KHDRBS3: variants seen among roughly 807,000 people sequenced by gnomAD.
KHDRBS3 encodes KH RNA binding domain containing, signal transduction associated 3, also known as KH domain-containing, RNA-binding, signal transduction-associated protein 3.
Under a neutral mutation model 45.6 loss-of-function variants are expected in KHDRBS3, and 23 were observed. The ratio of observed to expected loss-of-function variants is 0.50; its 90% confidence interval spans 0.36 to 0.72. The LOEUF is 0.72. KHDRBS3 is among the 30% of genes least tolerant of loss of function. The pLI is 0.00. For synonymous variants in KHDRBS3, 162 were observed against 156.5 expected (o/e 1.04, Z -0.26); for missense variants, 352 against 424.8 (o/e 0.83, Z 1.51).
At chr8:135,495,496 A>G (rs1468045320) in intron 1 of KHDRBS3, among the ~76,000 whole-genome samples, 1 of 152,214 alleles carries the variant, frequency 6.6e-6, no homozygotes, top group Non-Finnish European at 1.5e-5. Context: ...CATGACAAGA[A>G]TTAATTATAT....
At chr8:135,490,049 C>T (rs1240008539) in intron 1 of KHDRBS3, among the ~76,000 whole-genome samples, 1 of 152,148 alleles carries the variant, frequency 6.6e-6, no homozygotes, top group Non-Finnish European at 1.5e-5. Context: ...GCATTCGGTA[C>T]AGTAACATGC....
intron 1 of KHDRBS3, among the ~76,000 whole-genome samples, chr8:135,504,107 C>G (rs1823871311): frequency 6.6e-6 from 1 of 152,114 alleles, no homozygotes; most frequent in South Asian, 2.1e-4. Context: ...CAGTGTCATA[C>G]TGTAAGTAAG....
At chr8:135,631,882 G>T (rs1214662777) in intron 7 of KHDRBS3, among the ~76,000 whole-genome samples, 1 of 152,044 alleles carries the variant, frequency 6.6e-6, no homozygotes, top group Non-Finnish European at 1.5e-5. Flanking sequence ...TATATGACCG[G>T]CAGCACAATA....
intron 7 of KHDRBS3, among the ~76,000 whole-genome samples, chr8:135,616,511 T>C (rs1417687475): frequency 6.6e-6 from 1 of 152,184 alleles, no homozygotes; most frequent in African/African-American, 2.4e-5. Flanking sequence ...CACTAAGGAA[T>C]TGTAGAATAA....
chr8:135,517,457 A>G (rs527374427), intron 1 of KHDRBS3, among the ~76,000 whole-genome samples: 5 of 152,116 alleles, frequency 3.3e-5, no homozygotes, highest in Non-Finnish European at 7.4e-5. Flanking sequence ...TGCAACTCTC[A>G]GTTAGGGACA....
intron 6 of KHDRBS3, among the ~76,000 whole-genome samples, chr8:135,582,894 C>A (rs1297368782): frequency 6.6e-6 from 1 of 152,192 alleles, no homozygotes; most frequent in East Asian, 1.9e-4. Context: ...ATCCCCTGGG[C>A]CTCAGACAAC....
At chr8:135,535,583 T>G (rs370844084) in intron 2 of KHDRBS3, among the ~76,000 whole-genome samples, 10 of 151,908 alleles carry the variant, frequency 6.6e-5, no homozygotes, top group Non-Finnish European at 1.3e-4. Flanking sequence ...TATTTATATG[T>G]GTGTTGGGTC....
intron 5 of KHDRBS3, among the ~76,000 whole-genome samples, chr8:135,569,804 C>T (rs1827613695): frequency 6.6e-6 from 1 of 152,126 alleles, no homozygotes; most frequent in Non-Finnish European, 1.5e-5. Flanking sequence ...CTCTAGGAGG[C>T]CTTGCTCAGT....
intron 6 of KHDRBS3, among the ~76,000 whole-genome samples, chr8:135,603,656 T>TA (rs1256028232): frequency 2.6e-5 from 4 of 152,178 alleles, no homozygotes; most frequent in Non-Finnish European, 5.9e-5. Flanking sequence ...TGCTCTTTTC[T>TA]AAAAAAATTT....
chr8:135,472,782 G>A (rs187404397), intron 1 of KHDRBS3, among the ~76,000 whole-genome samples: 1 of 152,256 alleles, frequency 6.6e-6, no homozygotes, highest in South Asian at 2.1e-4. Flanking sequence ...ATTACATGTG[G>A]TCTTTCTAGA....
chr8:135,585,100 G>A (rs528112149), intron 6 of KHDRBS3, among the ~76,000 whole-genome samples: 5 of 151,374 alleles, frequency 3.3e-5, no homozygotes, highest in East Asian at 1.9e-4. Flanking sequence ...GTAGTGGTGC[G>A]CACCTGTAAA....
intron 7 of KHDRBS3, among the ~76,000 whole-genome samples, chr8:135,632,732 A>G (rs139092257): frequency 2.1e-4 from 32 of 152,252 alleles, no homozygotes; most frequent in Non-Finnish European, 3.8e-4. Flanking sequence ...CACATAAGAA[A>G]TGAAAGCCTC....
rs987745803 is a variant in KHDRBS3, at chr8:135,576,387, A to G, written c.612-5491A>G. On this transcript the variant is annotated intron_variant, in intron 5 of 8. Transcript: ENST00000355849. Reference sequence around the variant, plus strand: ...CTGGAAGATTTGTGCCTTCTCCCCTATTTATCTATTGATTGATTGATTCAG... The same window carrying G: ...CTGGAAGATTTGTGCCTTCTCCCCTGTTTATCTATTGATTGATTGATTCAG... Among the ~76,000 whole-genome samples the G allele has an allele frequency of 4.6e-5, 7 of 152,156 alleles. No homozygotes were observed. In the East Asian group the frequency reaches 5.8e-4, roughly 13 times the overall value.
intron 6 of KHDRBS3, among the ~76,000 whole-genome samples, chr8:135,602,628 C>T (rs185945110): frequency 6.6e-6 from 1 of 151,966 alleles, no homozygotes; most frequent in East Asian, 1.9e-4. Flanking sequence ...CAAATAAGCA[C>T]AGAAATAGAA....
chr8:135,594,855 A>G (rs977140823), intron 6 of KHDRBS3, among the ~76,000 whole-genome samples: 4 of 152,208 alleles, frequency 2.6e-5, no homozygotes, highest in Non-Finnish European at 5.9e-5. Flanking sequence ...TTATGAGCAC[A>G]GGCCTCCCCA....
intron 6 of KHDRBS3, chr8:135,593,384 T>C (rs1828833992): frequency 6.6e-6 from 1 of 152,220 alleles, no homozygotes; most frequent in African/African-American, 2.4e-5. Context: ...GTACTTATCT[T>C]AGAGTAATGT....
intron 1 of KHDRBS3, among the ~76,000 whole-genome samples, chr8:135,461,802 T>C (rs549088326): frequency 6.6e-6 from 1 of 152,358 alleles, no homozygotes; most frequent in South Asian, 2.1e-4. Flanking sequence ...TTAGTTGTCG[T>C]TGATTACAAG....
intron 6 of KHDRBS3, 120 bp from the exon 7 acceptor site, chr8:135,606,835 C>A: frequency 1.5e-6 from 1 of 687,004 alleles, no homozygotes; most frequent in Non-Finnish European, 2.5e-6. Flanking sequence ...TTTCTTTACA[C>A]TATAAGTAGA....
intron 7 of KHDRBS3, among the ~76,000 whole-genome samples, chr8:135,629,532 T>C (rs1830508810): frequency 6.6e-6 from 1 of 152,218 alleles, no homozygotes; most frequent in Non-Finnish European, 1.5e-5. Flanking sequence ...TTACCCTGCT[T>C]CTAAGTGGAA....
Sources: allele counts gnomAD v4.1 joint callset (sites outside exome capture counted in the v4.1 genomes callset), GRCh38; gene constraint gnomAD v4.1.1; transcripts MANE v1.5; gene names NCBI Gene and HGNC (gene_info 2026-07-23, HGNC 2026-07-21).